The following AGBL4 variants were observed in gnomAD, a reference collection of about 807,000 sequenced individuals.
AGBL4 encodes the protein cytosolic carboxypeptidase 6.
A neutral mutation model predicts 66.4 loss-of-function variants in AGBL4; 58 were observed. The ratio of observed to expected loss-of-function variants is 0.87; its 90% CI spans 0.71 to 1.09. The LOEUF (loss-of-function observed/expected upper bound fraction) is 1.09, where lower values mean the gene tolerates loss of function less well. Among genes scored for constraint, AGBL4 ranks in the 50% least tolerant of loss-of-function variants. AGBL4 has a pLI of 0.00. For synonymous variants in AGBL4, 234 were observed against 222.9 expected (o/e 1.05, Z -0.44); for missense variants, 579 against 631.0 (o/e 0.92, Z 0.88).
rs1652205101 is a variant in AGBL4, at chr1:49,921,246, A to G, written c.35-69728T>C. 2.0e-5 allele frequency among the ~76,000 whole-genome samples: 3 copies of G among 152,166 alleles called. No homozygotes were observed. In the South Asian group the frequency reaches 6.2e-4, roughly 31 times the overall value. On this transcript the variant is annotated intron_variant, in intron 1 of 13. Coordinates refer to ENST00000371839, the MANE Select transcript of AGBL4 (RefSeq NM_032785.4). ...CTAGAACTCAAAGTATAACTTTTAA[A>G]AAAAAGAAAAAAAAACAAACAAACA...
intron 3 of AGBL4, among the ~76,000 whole-genome samples, chr1:49,363,486 C>T (rs566811475): frequency 1.3e-5 from 2 of 152,284 alleles, no homozygotes; most frequent in East Asian, 3.9e-4. Context: ...AAAATTAATG[C>T]ACCACAATAT....
chr1:48,857,451 G>A (rs928865472), intron 6 of AGBL4, among the ~76,000 whole-genome samples: 11 of 152,068 alleles, frequency 7.2e-5, no homozygotes, highest in Non-Finnish European at 1.5e-4. Context: ...GGCCGGGTGA[G>A]GTGGCTCGTG....
chr1:49,321,797 T>C (rs1318189478), intron 3 of AGBL4, among the ~76,000 whole-genome samples: 1 of 152,210 alleles, frequency 6.6e-6, no homozygotes, highest in Non-Finnish European at 1.5e-5. Flanking sequence ...CTGAACATAC[T>C]TCTATATATC....
At chr1:49,494,635 T>C (rs922950361) in intron 3 of AGBL4, among the ~76,000 whole-genome samples, 1 of 152,132 alleles carries the variant, frequency 6.6e-6, no homozygotes, top group African/African-American at 2.4e-5. Context: ...TAGTATTCCA[T>C]GGTGTATATG....
intron 6 of AGBL4, among the ~76,000 whole-genome samples, chr1:48,763,932 T>C (rs1021581727): frequency 3.3e-5 from 5 of 152,192 alleles, no homozygotes; most frequent in Non-Finnish European, 7.3e-5. Flanking sequence ...CAGAAGTTAC[T>C]GTCATAACAT....
chr1:49,248,425 G>A (rs1651805670), intron 3 of AGBL4, among the ~76,000 whole-genome samples: 1 of 152,104 alleles, frequency 6.6e-6, no homozygotes, highest in Non-Finnish European at 1.5e-5. Context: ...TTTGAGACAG[G>A]AACTATTTGT....
chr1:48,994,925 A>G (rs1660885858), intron 5 of AGBL4, among the ~76,000 whole-genome samples: 1 of 152,228 alleles, frequency 6.6e-6, no homozygotes, highest in Admixed American at 6.5e-5. Flanking sequence ...GAAAAATCCC[A>G]TGAAAATAAG....
intron 6 of AGBL4, among the ~76,000 whole-genome samples, chr1:48,863,094 G>C (rs1349876687): frequency 1.4e-4 from 22 of 152,118 alleles, no homozygotes; most frequent in Non-Finnish European, 5.9e-5. Flanking sequence ...TTTCCAAAAA[G>C]TTTAACTTAG....
At chr1:49,020,321 G>C (rs74793139) in intron 5 of AGBL4, among the ~76,000 whole-genome samples, 4,213 of 152,128 alleles carry the variant, frequency 0.028, 169 homozygotes, top group African/African-American at 0.096. Context: ...TCAGCCCTTG[G>C]GCCTGTAAAC....
chr1:48,903,214 A>G (rs748524294), intron 5 of AGBL4, among the ~76,000 whole-genome samples: 6 of 152,080 alleles, frequency 3.9e-5, no homozygotes, highest in Non-Finnish European at 7.3e-5. Flanking sequence ...TTTCATCTCT[A>G]TACAGATCTC....
At chr1:49,440,958 A>G (rs1646015425) in intron 3 of AGBL4, among the ~76,000 whole-genome samples, 1 of 152,016 alleles carries the variant, frequency 6.6e-6, no homozygotes, top group Non-Finnish European at 1.5e-5. Flanking sequence ...CCCCTCCCCA[A>G]CCCATGCTCC....
At chr1:49,267,471 G>A (rs185873950) in intron 3 of AGBL4, among the ~76,000 whole-genome samples, 5 of 152,212 alleles carry the variant, frequency 3.3e-5, no homozygotes, top group Admixed American at 2.6e-4. Flanking sequence ...ACGAGGTCAG[G>A]AGATTGAGAC....
At chr1:49,410,376 G>A (rs1438300999) in intron 3 of AGBL4, among the ~76,000 whole-genome samples, 7 of 152,108 alleles carry the variant, frequency 4.6e-5, no homozygotes, top group South Asian at 4.2e-4. Context: ...TGCTTAGCCC[G>A]GCATAGTTTT....
chr1:48,893,396 T>G (rs983166837), intron 5 of AGBL4, among the ~76,000 whole-genome samples: 7 of 151,902 alleles, frequency 4.6e-5, no homozygotes, highest in African/African-American at 1.7e-4. Context: ...TAAAAAAGAC[T>G]CCAGGCCGGG....
At chr1:49,697,940 A>C (rs997168583) in intron 2 of AGBL4, among the ~76,000 whole-genome samples, 1 of 152,214 alleles carries the variant, frequency 6.6e-6, no homozygotes, top group Non-Finnish European at 1.5e-5. Context: ...AAGAATATGT[A>C]CAGTAAGGTT....
chr1:49,151,481 G>A (rs1299968958), intron 4 of AGBL4, among the ~76,000 whole-genome samples: 5 of 150,286 alleles, frequency 3.3e-5, no homozygotes, highest in Non-Finnish European at 7.4e-5. Context: ...TTATTATGAT[G>A]TTGGCCCATT....
intron 1 of AGBL4, among the ~76,000 whole-genome samples, chr1:49,854,768 G>C (rs1198793104): frequency 6.6e-6 from 1 of 152,056 alleles, no homozygotes; most frequent in Non-Finnish European, 1.5e-5. Flanking sequence ...AAAATAGACA[G>C]TATAGCACAC....
chr1:49,800,410 A>G (rs1477011116), intron 2 of AGBL4, among the ~76,000 whole-genome samples: 1 of 142,010 alleles, frequency 7.0e-6, no homozygotes, highest in Non-Finnish European at 1.5e-5. Flanking sequence ...ACATGTGCAC[A>G]TTGTGCAGGT....
chr1:49,015,508 C>T (rs528777031), intron 5 of AGBL4, among the ~76,000 whole-genome samples: 70 of 150,834 alleles, frequency 4.6e-4, no homozygotes, highest in African/African-American at 1.2e-3. Context: ...CTGCAAGCTC[C>T]GCCTCCTGGG....
Sources: allele counts gnomAD v4.1 joint callset (sites outside exome capture counted in the v4.1 genomes callset), GRCh38; gene constraint gnomAD v4.1.1; transcripts MANE v1.5; gene names NCBI Gene and HGNC (gene_info 2026-07-23, HGNC 2026-07-21).